ANKS1B: variants seen among roughly 807,000 people sequenced by gnomAD.
ANKS1B encodes ankyrin repeat and sterile alpha motif domain-containing protein 1B.
ANKS1B carries 36 observed loss-of-function variants against 148.3 expected under a neutral mutation model. The ratio of observed to expected loss-of-function variants is 0.24; its 90% CI spans 0.19 to 0.32. ANKS1B has a LOEUF of 0.32. Ranked by LOEUF, ANKS1B falls within the 10% of genes least tolerant of loss-of-function variation. ANKS1B has a pLI of 1.00. For synonymous variants in ANKS1B, 542 were observed against 560.8 expected (o/e 0.97, Z 0.47); for missense variants, 1,157 against 1,542.6 (o/e 0.75, Z 4.19).
At chr12:99,043,022 A>C (rs1296909777) in intron 17 of ANKS1B, among the ~76,000 whole-genome samples, 1 of 152,204 alleles carries the variant, frequency 6.6e-6, no homozygotes, top group Non-Finnish European at 1.5e-5. Context: ...TTTACCCCTA[A>C]TATTTCTCTC....
chr12:99,482,816 T>C (rs1011312869), intron 10 of ANKS1B, among the ~76,000 whole-genome samples: 2 of 152,022 alleles, frequency 1.3e-5, no homozygotes, highest in Non-Finnish European at 2.9e-5. Flanking sequence ...AGTGTGATCA[T>C]TGTTGGTGTA....
chr12:99,162,074 TA>T (rs1204400779), intron 14 of ANKS1B, among the ~76,000 whole-genome samples: 1 of 152,024 alleles, frequency 6.6e-6, no homozygotes, highest in African/African-American at 2.4e-5. Flanking sequence ...AAGCTAGTTA[TA>T]AAAGACCATA....
At chr12:98,834,485 T>C (rs2099350704) in intron 17 of ANKS1B, among the ~76,000 whole-genome samples, 2 of 152,238 alleles carry the variant, frequency 1.3e-5, no homozygotes, top group South Asian at 2.1e-4. Context: ...AATTTTGTTA[T>C]AGCTAATAGT....
At chr12:99,870,777 T>C (rs1472410514) in intron 1 of ANKS1B, among the ~76,000 whole-genome samples, 1 of 152,226 alleles carries the variant, frequency 6.6e-6, no homozygotes, top group Non-Finnish European at 1.5e-5. Flanking sequence ...TATTTGGTTT[T>C]TGCTTTTTGA....
intron 9 of ANKS1B, among the ~76,000 whole-genome samples, chr12:99,542,277 A>G (rs939850159): frequency 6.6e-5 from 10 of 152,214 alleles, no homozygotes; most frequent in African/African-American, 2.4e-4. Context: ...GTAATGGGAA[A>G]TGCAAAATTA....
chr12:99,608,468 A>G (rs1026109607), intron 9 of ANKS1B, among the ~76,000 whole-genome samples: 1 of 152,122 alleles, frequency 6.6e-6, no homozygotes, highest in Non-Finnish European at 1.5e-5. Context: ...CACATCCCCT[A>G]TAGCAAAAAC....
intron 15 of ANKS1B, among the ~76,000 whole-genome samples, chr12:99,100,637 C>G (rs969207772): frequency 6.6e-6 from 1 of 152,218 alleles, no homozygotes; most frequent in African/African-American, 2.4e-5. Flanking sequence ...TCCAGTGATT[C>G]TCCTGCTTCA....
intron 17 of ANKS1B, among the ~76,000 whole-genome samples, chr12:98,926,424 T>C (rs2152936357): frequency 1.3e-5 from 2 of 152,132 alleles, no homozygotes; most frequent in South Asian, 4.2e-4. Context: ...GAGGGAGGAA[T>C]ATGAATTCCA....
intron 17 of ANKS1B, among the ~76,000 whole-genome samples, chr12:98,850,606 T>A (rs907376659): frequency 2.0e-5 from 3 of 151,876 alleles, no homozygotes; most frequent in Non-Finnish European, 4.4e-5. Flanking sequence ...TAGCTGGGAC[T>A]ACTGGCACAC....
chr12:99,271,387 T>C (rs146860631), intron 12 of ANKS1B, among the ~76,000 whole-genome samples: 2 of 152,198 alleles, frequency 1.3e-5, no homozygotes, highest in African/African-American at 4.8e-5. Flanking sequence ...TAACATTCTG[T>C]AAAAACGTTT....
intron 14 of ANKS1B, among the ~76,000 whole-genome samples, chr12:99,179,835 C>A (rs2078907815): frequency 6.6e-6 from 1 of 152,150 alleles, no homozygotes; most frequent in African/African-American, 2.4e-5. Flanking sequence ...ACTGTAATTA[C>A]TATTATAATA....
At chr12:99,812,903 A>C (rs2068612172) in intron 2 of ANKS1B, among the ~76,000 whole-genome samples, 1 of 151,766 alleles carries the variant, frequency 6.6e-6, no homozygotes, top group South Asian at 2.1e-4. Flanking sequence ...AAGAGAAAGA[A>C]AGTGCAGTAT....
At chr12:99,718,816 C>A (rs1366523535) in intron 8 of ANKS1B, among the ~76,000 whole-genome samples, 2 of 152,158 alleles carry the variant, frequency 1.3e-5, no homozygotes, top group Admixed American at 6.5e-5. Context: ...TTAGACTGAC[C>A]CTGACACCCA....
At chr12:99,512,237 C>T (rs1254602145) in intron 9 of ANKS1B, among the ~76,000 whole-genome samples, 10 of 151,478 alleles carry the variant, frequency 6.6e-5, no homozygotes, top group South Asian at 2.1e-4. Flanking sequence ...CATTAAGAAG[C>T]GGGCAAAGGA....
chr12:99,376,690 A>G (rs925435091), intron 12 of ANKS1B, among the ~76,000 whole-genome samples: 1 of 152,220 alleles, frequency 6.6e-6, no homozygotes, highest in Non-Finnish European at 1.5e-5. Context: ...GCCATGATTA[A>G]AACTGCTTTA....
At position 99,589,559 on chromosome 12, in the gene ANKS1B, A is replaced by G. The variant is rs375363705; in HGVS notation, c.1272+65508T>C. On this transcript the variant is annotated intron_variant, in intron 9 of 26. Coordinates refer to ENST00000683438, the MANE Select transcript of ANKS1B (RefSeq NM_001352186.2). ...GTAAAATTACCTAAATTATGTCTTA[A>G]TGAAGTATAACTTAACTTTCTGGAA... is the stretch of plus-strand genomic sequence containing the variant. 9.3e-4 allele frequency among the ~76,000 whole-genome samples: 141 copies of G among 152,298 alleles called. 2 individuals are homozygous for G. The highest frequency in any genetic ancestry group is 3.2e-3 in the African/African-American group (133 of 41,564).
intron 15 of ANKS1B, among the ~76,000 whole-genome samples, chr12:99,116,254 T>C (rs892674967): frequency 1.3e-5 from 2 of 152,234 alleles, no homozygotes; most frequent in Non-Finnish European, 2.9e-5. Context: ...TCCTTCCTCA[T>C]TGGTGCTACC....
intron 12 of ANKS1B, among the ~76,000 whole-genome samples, chr12:99,378,666 A>AG (rs2093500073): frequency 6.6e-6 from 1 of 151,290 alleles, no homozygotes; most frequent in African/African-American, 2.4e-5. Context: ...AAAAAAAAAA[A>AG]AAAAAAAGAA....
intron 17 of ANKS1B, among the ~76,000 whole-genome samples, chr12:99,001,337 C>T (rs2153367560): frequency 6.6e-6 from 1 of 152,118 alleles, no homozygotes; most frequent in South Asian, 2.1e-4. Flanking sequence ...CTATGTTGCC[C>T]AGGATGATCT....
Sources: allele counts gnomAD v4.1 joint callset (sites outside exome capture counted in the v4.1 genomes callset), GRCh38; gene constraint gnomAD v4.1.1; transcripts MANE v1.5; gene names NCBI Gene and HGNC (gene_info 2026-07-23, HGNC 2026-07-21).